PPP2R2B: variants seen among roughly 807,000 people sequenced by gnomAD.
PPP2R2B encodes serine/threonine-protein phosphatase 2A 55 kDa regulatory subunit B beta isoform.
PPP2R2B carries 5 observed loss-of-function variants against 46.0 expected under a neutral mutation model. That is an observed-to-expected ratio of 0.11 (90% CI 0.06 to 0.23). The LOEUF is 0.23. PPP2R2B is among the 10% of genes least tolerant of loss of function. PPP2R2B has a pLI of 1.00. For synonymous variants in PPP2R2B, 215 were observed against 206.7 expected, an observed-to-expected ratio of 1.04 and a Z score of -0.34; for missense variants, 367 against 575.0, an observed-to-expected ratio of 0.64 and a Z score of 3.70.
intron 5 of PPP2R2B, among the ~76,000 whole-genome samples, chr5:146,680,620 A>G (rs1778105246): frequency 6.6e-6 from 1 of 152,104 alleles, no homozygotes; most frequent in Non-Finnish European, 1.5e-5. Context: ...AAGTAAATAA[A>G]TTTGCTTAAC....
chr5:146,842,441 G>GAA (rs144838740), intron 2 of PPP2R2B, among the ~76,000 whole-genome samples: 4 of 132,692 alleles, frequency 3.0e-5, no homozygotes, highest in Non-Finnish European at 6.5e-5. Flanking sequence ...CAAGAAAAAG[G>GAA]AAAAAAAAAA....
intron 1 of PPP2R2B, among the ~76,000 whole-genome samples, chr5:146,897,317 C>G (rs1415220423): frequency 6.6e-6 from 1 of 152,150 alleles, no homozygotes; most frequent in Non-Finnish European, 1.5e-5. Context: ...CCCCCGTTCC[C>G]ACTGTTTAAC....
chr5:146,660,528 T>C (rs1776607502), intron 5 of PPP2R2B, among the ~76,000 whole-genome samples: 1 of 152,170 alleles, frequency 6.6e-6, no homozygotes, highest in Non-Finnish European at 1.5e-5. Flanking sequence ...GCAGGAGTGA[T>C]AGGCTGGCTC....
At position 146,985,149 on chromosome 5, in the gene PPP2R2B, T is replaced by C. The variant is rs576427715; in HGVS notation, c.79+70516A>G. Among the ~76,000 whole-genome samples the C allele has an allele frequency of 1.9e-4, 29 of 151,270 alleles. No individual in the cohort carries two copies. The South Asian group carries it at 5.9e-3, about 31-fold the overall frequency. On this transcript the variant is annotated intron_variant, in intron 1 of 8. Coordinates refer to the PPP2R2B transcript ENST00000336640. ...AATTCTTCTGCCTCAGCCTCCTGAATAGCTGGGATTATAGGCATGTGCCAC... is the reference window on the plus strand; with the variant it reads ...AATTCTTCTGCCTCAGCCTCCTGAACAGCTGGGATTATAGGCATGTGCCAC...
intron 1 of PPP2R2B, among the ~76,000 whole-genome samples, chr5:147,012,294 G>T (rs1162785555): frequency 5.9e-5 from 9 of 152,148 alleles, no homozygotes; most frequent in Non-Finnish European, 1.2e-4. Flanking sequence ...ACTTCTTCCT[G>T]GTTTAGTCTT....
At chr5:146,997,303 A>T (rs971323030) in intron 1 of PPP2R2B, among the ~76,000 whole-genome samples, 9 of 152,188 alleles carry the variant, frequency 5.9e-5, no homozygotes, top group Non-Finnish European at 1.2e-4. Flanking sequence ...TTCCAGAGCC[A>T]CTCTCTACTC....
At chr5:146,665,242 C>T (rs1776913582) in intron 5 of PPP2R2B, among the ~76,000 whole-genome samples, 1 of 152,236 alleles carries the variant, frequency 6.6e-6, no homozygotes, top group South Asian at 2.1e-4. Flanking sequence ...CAACATAAGG[C>T]TCTCTTGTCT....
chr5:146,946,164 G>A (rs1764475849), intron 1 of PPP2R2B, among the ~76,000 whole-genome samples: 1 of 152,130 alleles, frequency 6.6e-6, no homozygotes, highest in South Asian at 2.1e-4. Context: ...TTACACAAAA[G>A]GACATACAAT....
At chr5:146,818,725 G>A (rs548761517) in intron 2 of PPP2R2B, among the ~76,000 whole-genome samples, 2 of 152,312 alleles carry the variant, frequency 1.3e-5, no homozygotes, top group African/African-American at 4.8e-5. Context: ...AGATGATAGA[G>A]GAAGTAATGG....
At chr5:146,994,141 T>C (rs568215424) in intron 1 of PPP2R2B, among the ~76,000 whole-genome samples, 1 of 152,230 alleles carries the variant, frequency 6.6e-6, no homozygotes, top group Non-Finnish European at 1.5e-5. Flanking sequence ...GACAGGGCAA[T>C]GGTCCATTTC....
chr5:146,638,897 C>T (rs747006705), intron 6 of PPP2R2B, among the ~76,000 whole-genome samples: 17 of 152,080 alleles, frequency 1.1e-4, no homozygotes, highest in Non-Finnish European at 2.2e-4. Flanking sequence ...AATCCCTAAG[C>T]CCTTCTTTAT....
At chr5:146,927,766 C>T (rs914195364) in intron 1 of PPP2R2B, among the ~76,000 whole-genome samples, 2 of 151,150 alleles carry the variant, frequency 1.3e-5, no homozygotes, top group African/African-American at 2.4e-5. Flanking sequence ...TGGAGTCTCA[C>T]TCTGTCACCC....
chr5:146,589,594 T>TTAAA lies in PPP2R2B; in HGVS notation c.*349_*352dup. On this transcript the variant is annotated 3_prime_UTR_variant, in exon 10 of 10. Coordinates refer to ENST00000394411, the MANE Select transcript of PPP2R2B (RefSeq NM_181675.4). Reference sequence around the variant, plus strand: ...TAAAAAAAACTTATCTCTTTTCTCCTTAAATACTACAGACAACCTCATTTT... The same window carrying TTAAA: ...TAAAAAAAACTTATCTCTTTTCTCCTTAAATAAATACTACAGACAACCTCATTTT... 5.2e-6 allele frequency: 1 copy of TTAAA among 191,512 alleles called. No individual in the cohort carries two copies. The highest frequency in any genetic ancestry group is 1.5e-4 in the South Asian group (1 of 6,566). The allele number at this position is 191,512 out of a possible 1,614,324, so 11.9% of individuals were successfully genotyped here.
At chr5:146,592,022 A>C (rs948065283) in intron 9 of PPP2R2B, 5 of 354,346 alleles carry the variant, frequency 1.4e-5, no homozygotes, top group Non-Finnish European at 2.7e-5. Flanking sequence ...CAGATATGTA[A>C]ATAATAATAT....
At chr5:147,007,063 A>G (rs1754472036) in intron 1 of PPP2R2B, among the ~76,000 whole-genome samples, 1 of 152,094 alleles carries the variant, frequency 6.6e-6, no homozygotes, top group Non-Finnish European at 1.5e-5. Context: ...AATTGAGGCC[A>G]TCAAGCTACA....
chr5:146,950,293 G>T (rs1419176066), intron 1 of PPP2R2B, among the ~76,000 whole-genome samples: 1 of 151,934 alleles, frequency 6.6e-6, no homozygotes, highest in African/African-American at 2.4e-5. Flanking sequence ...AGGGAACTTT[G>T]AACATGATAG....
intron 4 of PPP2R2B, among the ~76,000 whole-genome samples, chr5:146,694,705 C>T (rs774470815): frequency 5.3e-4 from 80 of 151,884 alleles, no homozygotes; most frequent in Non-Finnish European, 1.1e-3. Flanking sequence ...TTTTATTATA[C>T]AAGCGATACA....
intron 1 of PPP2R2B, among the ~76,000 whole-genome samples, chr5:146,950,450 T>A (rs567277223): frequency 9.7e-4 from 147 of 152,070 alleles, no homozygotes; most frequent in South Asian, 2.9e-3. Flanking sequence ...TTAAAAAAAA[T>A]TTAAGTTTCA....
At chr5:146,731,722 A>G (rs543182012) in intron 2 of PPP2R2B, among the ~76,000 whole-genome samples, 89 of 152,234 alleles carry the variant, frequency 5.8e-4, no homozygotes, top group Non-Finnish European at 1.2e-3. Flanking sequence ...ATGAAATGAC[A>G]TAATGCAAAT....
Sources: gnomAD v4.1 joint callset for allele counts (sites outside exome capture counted in the v4.1 genomes callset) on GRCh38, gnomAD v4.1.1 for gene constraint, MANE v1.5 for transcripts, NCBI Gene and HGNC (gene_info 2026-07-23, HGNC 2026-07-21) for gene names.